The following CCDC91 variants were observed in gnomAD, a reference collection of about 807,000 sequenced individuals.
The protein encoded by CCDC91 is coiled-coil domain containing 91.
A neutral mutation model predicts 63.2 loss-of-function variants in CCDC91; 48 were observed. That is an observed-to-expected ratio of 0.76 (90% CI 0.60 to 0.97). The LOEUF (loss-of-function observed/expected upper bound fraction) is 0.97, where lower values mean the gene tolerates loss of function less well. CCDC91 is among the 50% of genes least tolerant of loss of function. The probability of loss-of-function intolerance (pLI) is 0.00; values close to 1 mark genes in which losing one functional copy is unlikely to be tolerated. For synonymous variants in CCDC91, 167 were observed against 165.8 expected, an observed-to-expected ratio of 1.01 and a Z score of -0.06; for missense variants, 500 against 494.6, an observed-to-expected ratio of 1.01 and a Z score of -0.10.
At chr12:28,296,323 T>C (rs1296486443) in intron 3 of CCDC91, among the ~76,000 whole-genome samples, 1 of 151,930 alleles carries the variant, frequency 6.6e-6, no homozygotes, top group Admixed American at 6.6e-5. Flanking sequence ...AATTTGATTA[T>C]TGCAATTTGT....
rs1201471054 is a variant in CCDC91 at position 28,306,409 on chromosome 12, T to G, written c.268-333T>G. On this transcript the variant is annotated intron_variant, in intron 4 of 12. Transcript: ENST00000536442. ...AATATAAACAAATTCTAGGTCTGTG[T>G]GTAAATTTAAGAACTGTTAACAACC... 5.3e-5 allele frequency among the ~76,000 whole-genome samples: 8 copies of G among 152,058 alleles called. No homozygotes were observed. In the East Asian group the frequency reaches 1.5e-3, roughly 29 times the overall value.
At chr12:28,507,175 G>A (rs1279150892) in intron 12 of CCDC91, among the ~76,000 whole-genome samples, 1 of 151,942 alleles carries the variant, frequency 6.6e-6, no homozygotes, top group South Asian at 2.1e-4. Flanking sequence ...AAAACTTCCA[G>A]TGTTCTCCAG....
chr12:28,265,403 T>C (rs1404515381), intron 3 of CCDC91, among the ~76,000 whole-genome samples: 1 of 152,040 alleles, frequency 6.6e-6, no homozygotes, highest in Non-Finnish European at 1.5e-5. Context: ...CAGCAGATGT[T>C]GAACCAAATA....
intron 3 of CCDC91, among the ~76,000 whole-genome samples, chr12:28,279,583 G>A (rs1361309557): frequency 6.6e-6 from 1 of 152,094 alleles, no homozygotes; most frequent in Non-Finnish European, 1.5e-5. Context: ...TAAATGGAAA[G>A]CTGCTGATCC....
At position 28,342,652 on chromosome 12, in the gene CCDC91, G is replaced by A. The variant is rs1451972334; in HGVS notation, c.577-19786G>A. Reference sequence around the variant, plus strand: ...AGAGAGGCCTTGAAGGTTGAAGATGGGGAGAGCAATACCCCTGAGTAGATG... The same window carrying A: ...AGAGAGGCCTTGAAGGTTGAAGATGAGGAGAGCAATACCCCTGAGTAGATG... On this transcript the variant is annotated intron_variant, in intron 6 of 12. Transcript: ENST00000536442. Among the ~76,000 whole-genome samples the A allele has an allele frequency of 2.0e-5, 3 of 152,080 alleles. No individual in the cohort carries two copies. In the South Asian group the frequency reaches 6.2e-4, roughly 32 times the overall value.
At chr12:28,448,782 A>AT (rs1473173977) in intron 8 of CCDC91, among the ~76,000 whole-genome samples, 4 of 152,000 alleles carry the variant, frequency 2.6e-5, no homozygotes, top group African/African-American at 9.7e-5. Flanking sequence ...TAAATTGAAT[A>AT]TTTTTGGTCT....
chr12:28,280,410 A>T (rs2136561353), intron 3 of CCDC91, among the ~76,000 whole-genome samples: 1 of 152,144 alleles, frequency 6.6e-6, no homozygotes, highest in Middle Eastern at 3.4e-3. Context: ...TTTATGGTTT[A>T]ATTCAGTCTG....
chr12:28,487,926 G>A (rs1312726078), intron 12 of CCDC91, among the ~76,000 whole-genome samples: 1 of 150,738 alleles, frequency 6.6e-6, no homozygotes, highest in Non-Finnish European at 1.5e-5. Context: ...CTTTTTTTTA[G>A]TCTTTTGCTT....
intron 1 of CCDC91, among the ~76,000 whole-genome samples, chr12:28,220,106 TATC>T (rs1380410935): frequency 1.3e-5 from 2 of 152,158 alleles, no homozygotes; most frequent in Non-Finnish European, 2.9e-5. Flanking sequence ...TTAATGCAAT[TATC>T]ATTACATGGT....
intron 6 of CCDC91, among the ~76,000 whole-genome samples, chr12:28,313,600 G>C (rs965755983): frequency 6.6e-5 from 10 of 152,022 alleles, no homozygotes; most frequent in African/African-American, 2.4e-4. Flanking sequence ...AATGATTACA[G>C]ATAATTCTAA....
At chr12:28,293,959 C>A (rs564007059) in intron 3 of CCDC91, among the ~76,000 whole-genome samples, 1 of 152,044 alleles carries the variant, frequency 6.6e-6, no homozygotes, top group African/African-American at 2.4e-5. Context: ...ACACACACGC[C>A]CAAAATCTTA....
chr12:28,393,360 A>AT (rs939991416), intron 8 of CCDC91, among the ~76,000 whole-genome samples: 31 of 145,538 alleles, frequency 2.1e-4, no homozygotes, highest in Middle Eastern at 3.6e-3. Flanking sequence ...ACTACTTTGT[A>AT]TTTTTTTTTC....
At chr12:28,354,447 CTA>C (rs1342039779) in intron 6 of CCDC91, among the ~76,000 whole-genome samples, 1 of 152,108 alleles carries the variant, frequency 6.6e-6, no homozygotes, top group Non-Finnish European at 1.5e-5. Flanking sequence ...TACAAAGACA[CTA>C]TTTCCAAATA....
At chr12:28,275,393 CACAT>C (rs1460138217) in intron 3 of CCDC91, among the ~76,000 whole-genome samples, 1 of 152,096 alleles carries the variant, frequency 6.6e-6, no homozygotes, top group African/African-American at 2.4e-5. Context: ...AATTCCTCGA[CACAT>C]ACACCCTCCC....
rs17510814 is a variant in CCDC91, at chr12:28,316,036, A to C, written c.576+8287A>C. 5.5e-3 allele frequency among the ~76,000 whole-genome samples: 831 copies of C among 152,086 alleles called. 3 individuals are homozygous for C. Among genetic ancestry groups the C allele is most frequent in the Non-Finnish European group, 8.7e-3 (592 of 67,920 alleles). Reference sequence around the variant, plus strand: ...CTTCTATCATAAAACATTGCTGTCAAAGTCTAATAGCAATCTAATTCTTTT... The same window carrying C: ...CTTCTATCATAAAACATTGCTGTCACAGTCTAATAGCAATCTAATTCTTTT... On this transcript the variant is annotated intron_variant, in intron 6 of 12. Coordinates refer to ENST00000536442, the MANE Select transcript of CCDC91 (RefSeq NM_018318.5).
At chr12:28,252,451 T>G (rs1484935722) in intron 1 of CCDC91, among the ~76,000 whole-genome samples, 4 of 151,986 alleles carry the variant, frequency 2.6e-5, no homozygotes, top group African/African-American at 9.6e-5. Flanking sequence ...TTTTTTACTC[T>G]GACTTCCCAT....
chr12:28,414,726 A>G (rs956750740), intron 8 of CCDC91, among the ~76,000 whole-genome samples: 11 of 152,200 alleles, frequency 7.2e-5, no homozygotes, highest in Non-Finnish European at 7.3e-5. Flanking sequence ...TGGTAATGAT[A>G]TATTGTTACA....
chr12:28,429,660 G>A lies in CCDC91; in HGVS notation c.763-20501G>A, dbSNP rs551601131. Reference sequence around the variant, plus strand: ...GGCTTTTGACTAGCAGAGAAAGTAAGGGTATTATACATAGAAATAGTATGA... The same window carrying A: ...GGCTTTTGACTAGCAGAGAAAGTAAAGGTATTATACATAGAAATAGTATGA... On this transcript the variant is annotated intron_variant, in intron 8 of 12. Coordinates refer to ENST00000536442, the MANE Select transcript of CCDC91 (RefSeq NM_018318.5). Among the ~76,000 whole-genome samples, 20 of 152,096 alleles carry A rather than the reference G, an allele frequency of 1.3e-4. No homozygotes were observed. The South Asian group carries it at 3.9e-3, about 30-fold the overall frequency.
chr12:28,428,931 AT>A (rs922315615), intron 8 of CCDC91, among the ~76,000 whole-genome samples: 4 of 151,382 alleles, frequency 2.6e-5, no homozygotes, highest in Non-Finnish European at 5.9e-5. Flanking sequence ...GTCTATATAA[AT>A]TTTTTTTTAT....
Sources: gnomAD v4.1 joint callset for allele counts (sites outside exome capture counted in the v4.1 genomes callset) on GRCh38, gnomAD v4.1.1 for gene constraint, MANE v1.5 for transcripts, NCBI Gene and HGNC (gene_info 2026-07-23, HGNC 2026-07-21) for gene names.